Variants in NOL4L observed in about 807,000 individuals in gnomAD.
NOL4L encodes the protein nucleolar protein 4 like, also known as nucleolar protein 4-like.
Under a neutral mutation model 64.5 loss-of-function variants are expected in NOL4L, and 7 were observed. That is an observed-to-expected ratio of 0.11 (90% CI 0.06 to 0.20). The LOEUF (loss-of-function observed/expected upper bound fraction) is 0.20, where lower values mean the gene tolerates loss of function less well. Ranked by LOEUF, NOL4L falls within the 10% of genes least tolerant of loss-of-function variation. The probability of loss-of-function intolerance (pLI) is 1.00; values close to 1 mark genes in which losing one functional copy is unlikely to be tolerated. For synonymous variants in NOL4L, 413 were observed against 401.0 expected (o/e 1.03, Z -0.36); for missense variants, 680 against 967.1 (o/e 0.70, Z 3.94).
At chr20:32,458,323 C>T (rs1170545601) in intron 5 of NOL4L, among the ~76,000 whole-genome samples, 1 of 152,218 alleles carries the variant, frequency 6.6e-6, no homozygotes, top group Non-Finnish European at 1.5e-5. Flanking sequence ...GGCAGCCAGC[C>T]TTCAAGGTCT....
At chr20:32,549,473 C>A (rs2018771224) in intron 1 of NOL4L, among the ~76,000 whole-genome samples, 1 of 152,166 alleles carries the variant, frequency 6.6e-6, no homozygotes, top group South Asian at 2.1e-4. Context: ...CAAGTTCTGG[C>A]CAGGCATGGT....
rs2016274402 is a variant in NOL4L, at chr20:32,488,809, CTTTCTTTCTTTCTTTCTTTTTCTTT to C, written c.700-14092_700-14068del. The stretch of plus-strand genomic sequence containing the variant: ...TTCCTTCCTTTCTTTCTTTCTTTTT[CTTTCTTTCTTTCTTTCTTTTTCTTT>C]CTTTCTTTCTTTCTTTCTTTCTTTC... On this transcript the variant is annotated intron_variant, in intron 4 of 10. Transcript: ENST00000621426. Among the ~76,000 whole-genome samples, 33 of 25,644 alleles carry C rather than the reference CTTTCTTTCTTTCTTTCTTTTTCTTT, an allele frequency of 1.3e-3. 2 individuals are homozygous for C. The highest frequency in any genetic ancestry group is 6.0e-3 in the African/African-American group (23 of 3,818). The allele number at this position is 25,644 out of a possible 152,430, so 16.8% of individuals were successfully genotyped here. A position where few individuals can be genotyped will look rare whatever the true frequency, so the allele number is the denominator to read the frequency against.
At position 32,578,138 on chromosome 20, in the gene NOL4L, AGGAG is replaced by A. The variant is rs1203991256; in HGVS notation, c.321+6428_321+6431del. Among the ~76,000 whole-genome samples the A allele has an allele frequency of 7.6e-3, 383 of 50,220 alleles. 3 individuals are homozygous for A. The highest frequency in any genetic ancestry group is 0.02 in the African/African-American group (169 of 8,318). The allele number at this position is 50,220 out of a possible 152,430, so 32.9% of individuals were successfully genotyped here. A position where few individuals can be genotyped will look rare whatever the true frequency, so the allele number is the denominator to read the frequency against. On this transcript the variant is annotated intron_variant, in intron 1 of 10. Coordinates refer to ENST00000621426, the MANE Select transcript of NOL4L (RefSeq NM_001256798.2). ...AAGGAAGGAAGGAAGGAAGGAAGGA[AGGAG>A]GGAGGGAGGGAGGGAGGGAGGGAGG...
intron 1 of NOL4L, among the ~76,000 whole-genome samples, chr20:32,575,505 C>T (rs1980038496): frequency 6.6e-6 from 1 of 152,212 alleles, no homozygotes; most frequent in South Asian, 2.1e-4. Context: ...CAGGCCCTGT[C>T]CCGTGGGAGG....
intron 4 of NOL4L, among the ~76,000 whole-genome samples, chr20:32,508,831 CCT>C (rs937590026): frequency 4.6e-5 from 7 of 152,218 alleles, no homozygotes; most frequent in African/African-American, 7.2e-5. Context: ...CGGTTCATCC[CCT>C]GATACTCATC....
intron 1 of NOL4L, among the ~76,000 whole-genome samples, chr20:32,545,687 C>T (rs550790881): frequency 2.6e-5 from 4 of 152,346 alleles, no homozygotes; most frequent in African/African-American, 4.8e-5. Context: ...AGCCCACATC[C>T]CATCCATCAG....
rs186501704 is a variant in NOL4L, at chr20:32,530,926, A to C, written c.322-3013T>G. Among the ~76,000 whole-genome samples, 806 of 152,300 alleles carry C rather than the reference A, an allele frequency of 5.3e-3. 8 individuals are homozygous for C. Among genetic ancestry groups the C allele is most frequent in the Middle Eastern group, 0.021 (6 of 292 alleles). ...ACAAGAGTGAAACTCCATCTCAAAA[A>C]AAAAACAAAAACAAAAACCTTAACA... On this transcript the variant is annotated intron_variant, in intron 1 of 10. Transcript: ENST00000621426.
chr20:32,453,275 A>G lies in NOL4L; in HGVS notation c.1497+29T>C. The G allele has an allele frequency of 6.2e-7, 1 of 1,603,850 alleles. No individual in the cohort carries two copies. Among genetic ancestry groups the G allele is most frequent in the Non-Finnish European group, 8.5e-7 (1 of 1,173,102 alleles). Reference sequence around the variant, plus strand: ...AGGAGGTCAGTAGTGGCACCGAGGGAAAGTGTGGGCCAGGCAGGGGGGACT... The same window carrying G: ...AGGAGGTCAGTAGTGGCACCGAGGGGAAGTGTGGGCCAGGCAGGGGGGACT... On this transcript the variant is annotated intron_variant, in intron 8 of 10. Coordinates refer to ENST00000621426, the MANE Select transcript of NOL4L (RefSeq NM_001256798.2). This position sits in a 1 kb window ranked among gnomAD's most constrained non-coding sequence, Gnocchi z 5.6.
intron 1 of NOL4L, among the ~76,000 whole-genome samples, chr20:32,549,595 A>C (rs2018772904): frequency 6.6e-6 from 1 of 152,092 alleles, no homozygotes; most frequent in Non-Finnish European, 1.5e-5. Flanking sequence ...TCTACTAAAA[A>C]TACAAAAATT....
chr20:32,524,241 G>C (rs1005490491), intron 2 of NOL4L, among the ~76,000 whole-genome samples: 9 of 152,028 alleles, frequency 5.9e-5, no homozygotes, highest in African/African-American at 2.2e-4. Flanking sequence ...CTCAAACCCT[G>C]GTGCTGGAGA....
intron 4 of NOL4L, among the ~76,000 whole-genome samples, chr20:32,479,169 A>G (rs2015577262): frequency 6.6e-6 from 1 of 152,222 alleles, no homozygotes; most frequent in South Asian, 2.1e-4. Flanking sequence ...CTAATCACAC[A>G]GGCAGTTACA....
Position 32,447,560 on chromosome 20 carries a change from C to T in NOL4L, c.*36G>A, listed in dbSNP as rs1368447007. 6.4e-7 allele frequency: 1 copy of T among 1,551,926 alleles called. No homozygotes were observed. The highest frequency in any genetic ancestry group is 8.7e-7 in the Non-Finnish European group (1 of 1,154,862). On this transcript the variant is annotated 3_prime_UTR_variant, in exon 11 of 11. Coordinates refer to ENST00000621426, the MANE Select transcript of NOL4L (RefSeq NM_001256798.2). ...GCCAGGTCCAGGCTGGGACAGCCTC[C>T]TTCCCTAGGGCAGTGCGCTCCAGGT... is the stretch of plus-strand genomic sequence containing the variant.
At chr20:32,456,519 C>CCA in intron 5 of NOL4L, 124 bp from the exon 6 acceptor site, 1 of 1,019,006 alleles carries the variant, frequency 9.8e-7, no homozygotes, top group Non-Finnish European at 1.3e-6. Flanking sequence ...TGCTGCTACC[C>CCA]CACCTCAGAG....
At chr20:32,573,356 G>C (rs761936101) in intron 1 of NOL4L, among the ~76,000 whole-genome samples, 19 of 152,146 alleles carry the variant, frequency 1.2e-4, no homozygotes, top group Non-Finnish European at 2.1e-4. Flanking sequence ...GGCTCAGAGA[G>C]GGGCAGCAAC....
At chr20:32,520,528 G>T (rs981825045) in intron 3 of NOL4L, among the ~76,000 whole-genome samples, 1 of 152,226 alleles carries the variant, frequency 6.6e-6, no homozygotes, top group Non-Finnish European at 1.5e-5. Context: ...CTGGAATCCG[G>T]CTGGGAGGAA....
At chr20:32,560,437 C>T (rs987925336) in intron 1 of NOL4L, among the ~76,000 whole-genome samples, 2 of 152,220 alleles carry the variant, frequency 1.3e-5, no homozygotes, top group Non-Finnish European at 2.9e-5. Flanking sequence ...AACTCACCCC[C>T]GACCCAGGTC....
chr20:32,459,381 T>C (rs1480210871), intron 5 of NOL4L, among the ~76,000 whole-genome samples: 1 of 49,296 alleles, frequency 2.0e-5, no homozygotes, highest in Non-Finnish European at 3.6e-5. Flanking sequence ...GCTTGGCTAA[T>C]TTTTTTTTTT....
At position 32,447,213 on chromosome 20, in the gene NOL4L, A is replaced by ATTGC; in HGVS notation, c.*382_*383insGCAA. 1 of 481,510 alleles carries ATTGC rather than the reference A, an allele frequency of 2.1e-6. No homozygotes were observed. The highest frequency in any genetic ancestry group is 4.1e-6 in the Non-Finnish European group (1 of 244,820). 29.8% of individuals were successfully genotyped at this position (481,510 alleles called of 1,614,324 possible). ...AGGGTCCACTTTGCTTTTCTCAATA[A>ATTGC]ATATGCAATTCTGCTCACCTAAGAC... On this transcript the variant is annotated 3_prime_UTR_variant, in exon 11 of 11. Coordinates refer to ENST00000621426, the MANE Select transcript of NOL4L (RefSeq NM_001256798.2).
At chr20:32,543,641 T>C (rs2145599863) in intron 1 of NOL4L, among the ~76,000 whole-genome samples, 1 of 149,908 alleles carries the variant, frequency 6.7e-6, no homozygotes, top group South Asian at 2.1e-4. Flanking sequence ...AAAAAAAAGA[T>C]TAACTGGGTG....
Sources: allele counts gnomAD v4.1 joint callset (sites outside exome capture counted in the v4.1 genomes callset), GRCh38; gene constraint gnomAD v4.1.1; non-coding constraint Gnocchi (gnomAD v3.1); transcripts MANE v1.5; gene names NCBI Gene and HGNC (gene_info 2026-07-23, HGNC 2026-07-21).